The following FGF5 variants were observed in gnomAD, a reference collection of about 807,000 sequenced individuals.
The protein encoded by FGF5 is fibroblast growth factor 5.
Under a neutral mutation model 21.8 loss-of-function variants are expected in FGF5, and 23 were observed. The ratio of observed to expected loss-of-function variants is 1.05; its 90% CI spans 0.76 to 1.49. FGF5 has a LOEUF of 1.49. Among genes scored for constraint, FGF5 ranks in the 40% most tolerant of loss-of-function variants. FGF5 has a pLI of 0.00. For missense variants in FGF5, 352 were observed against 332.9 expected (o/e 1.06, Z -0.45); for synonymous variants, 158 against 124.0 (o/e 1.27, Z -1.82).
chr4:80,274,442 G>T (rs1273189114), intron 1 of FGF5, among the ~76,000 whole-genome samples: 1 of 151,878 alleles, frequency 6.6e-6, no homozygotes, highest in African/African-American at 2.4e-5. Context: ...TTAGAGTAGA[G>T]GAATTTATTT....
intron 1 of FGF5, among the ~76,000 whole-genome samples, chr4:80,273,783 G>A (rs777487867): frequency 1.7e-4 from 26 of 151,872 alleles, no homozygotes; most frequent in Non-Finnish European, 8.8e-5. Flanking sequence ...GGTATCAGGC[G>A]ATCCTTCAGC....
chr4:80,283,495 C>T (rs545078597), intron 2 of FGF5, among the ~76,000 whole-genome samples: 1 of 152,182 alleles, frequency 6.6e-6, no homozygotes, highest in African/African-American at 2.4e-5. Flanking sequence ...ATATAGATTC[C>T]TGTTTTAAAA....
intron 2 of FGF5, among the ~76,000 whole-genome samples, chr4:80,283,437 G>A (rs1720612211): frequency 6.6e-6 from 1 of 152,110 alleles, no homozygotes; most frequent in Non-Finnish European, 1.5e-5. Flanking sequence ...ATTGTAGGGG[G>A]TGGGGCAGGT....
intron 1 of FGF5, among the ~76,000 whole-genome samples, chr4:80,267,733 G>GATAGATAGATAGATAGATAGA (rs1553910468): frequency 6.6e-6 from 1 of 150,952 alleles, no homozygotes; most frequent in African/African-American, 2.4e-5. Flanking sequence ...ATACACATAG[G>GATAGATAGATAGATAGATAGA]TAGATAGATA....
At position 80,290,645 on chromosome 4, in the gene FGF5, G is replaced by T. The variant is rs183750240; in HGVS notation, c.*3973G>T. The T allele has an allele frequency of 5.3e-5, 8 of 152,080 alleles. No homozygotes were observed. Among genetic ancestry groups the T allele is most frequent in the Non-Finnish European group, 7.4e-5 (5 of 67,996 alleles). 9.4% of individuals were successfully genotyped at this position (152,080 alleles called of 1,614,324 possible). ...GCTGGTGTGCTGCACCCACCAACCTGTCATCCAGCATTAGGTATATCTCCT... is the reference window on the plus strand; with the variant it reads ...GCTGGTGTGCTGCACCCACCAACCTTTCATCCAGCATTAGGTATATCTCCT... On this transcript the variant is annotated 3_prime_UTR_variant, in exon 3 of 3. Coordinates refer to ENST00000312465, the MANE Select transcript of FGF5 (RefSeq NM_004464.4).
intron 1 of FGF5, 128 bp downstream of exon 1, chr4:80,267,307 C>A: frequency 1.4e-6 from 1 of 726,938 alleles, no homozygotes; most frequent in Non-Finnish European, 2.2e-6. Context: ...AGCTGATACT[C>A]AGAAACAGCC....
chr4:80,269,075 C>T (rs1355078935), intron 1 of FGF5, among the ~76,000 whole-genome samples: 1 of 152,172 alleles, frequency 6.6e-6, no homozygotes, highest in Admixed American at 6.5e-5. Context: ...CTTCTTGTAA[C>T]GACCCGTGGA....
rs537342087 is a variant in FGF5, at chr4:80,282,250, C to T, written c.460-4075C>T. 2.8e-4 allele frequency among the ~76,000 whole-genome samples: 42 copies of T among 152,276 alleles called. No individual in the cohort carries two copies. The Middle Eastern group carries it at 0.014, about 49-fold the overall frequency. ...GTGCTGTGATTACAGATGTGAGCCA[C>T]CGTACCCAGCAGAAAGTTCTTATTT... On this transcript the variant is annotated intron_variant, in intron 2 of 2. Coordinates refer to ENST00000312465, the MANE Select transcript of FGF5 (RefSeq NM_004464.4).
chr4:80,284,767 C>T (rs1047037923), intron 2 of FGF5, among the ~76,000 whole-genome samples: 1 of 152,052 alleles, frequency 6.6e-6, no homozygotes, highest in African/African-American at 2.4e-5. Flanking sequence ...TTGCAATATT[C>T]AGATTTTTAG....
At chr4:80,267,983 G>A (rs1474082182) in intron 1 of FGF5, among the ~76,000 whole-genome samples, 1 of 152,228 alleles carries the variant, frequency 6.6e-6, no homozygotes, top group East Asian at 1.9e-4. Flanking sequence ...AGAACAGTTA[G>A]GGGAAAGTTC....
chr4:80,269,528 C>G (rs182966106), intron 1 of FGF5, among the ~76,000 whole-genome samples: 1 of 152,146 alleles, frequency 6.6e-6, no homozygotes. Flanking sequence ...CAGTATGTAA[C>G]ATGTACATTT....
chr4:80,277,962 T>A (rs1456377546), intron 2 of FGF5, among the ~76,000 whole-genome samples: 1 of 152,196 alleles, frequency 6.6e-6, no homozygotes, highest in Non-Finnish European at 1.5e-5. Flanking sequence ...GCTCACATTA[T>A]CTCATTAGAT....
intron 2 of FGF5, among the ~76,000 whole-genome samples, chr4:80,278,661 C>A (rs180735868): frequency 6.6e-6 from 1 of 152,264 alleles, no homozygotes; most frequent in East Asian, 1.9e-4. Flanking sequence ...CATTTTTGTG[C>A]TAAATTTATT....
At chr4:80,281,817 G>A (rs17467134) in intron 2 of FGF5, among the ~76,000 whole-genome samples, 8,373 of 152,232 alleles carry the variant, frequency 0.055, 319 homozygotes, top group Non-Finnish European at 0.083. Flanking sequence ...TGGCTTGGCA[G>A]AATTAGTCAT....
In FGF5 at chr4:80,266,905, C is replaced by T; in HGVS notation, c.81C>T (p.Ala27=). The change falls in exon 1 of 3, where the codon GCC becomes GCT. Residue 27 remains alanine, a synonymous_variant. Coordinates refer to ENST00000312465, the MANE Select transcript of FGF5 (RefSeq NM_004464.4). The part of the protein sequence containing the change: ...SAWAHGEKRL[A]PKGQPGPAAT... Reference sequence around the variant, plus strand: ...GGGCTCACGGGGAGAAGCGTCTCGCCCCCAAAGGGCAACCCGGACCCGCTG... The same window carrying T: ...GGGCTCACGGGGAGAAGCGTCTCGCTCCCAAAGGGCAACCCGGACCCGCTG... 1.9e-6 allele frequency: 3 copies of T among 1,613,996 alleles called. No individual in the cohort carries two copies. The South Asian group carries it at 3.3e-5, about 18-fold the overall frequency.
At chr4:80,277,210 C>T (rs1001552265) in intron 2 of FGF5, among the ~76,000 whole-genome samples, 9 of 152,108 alleles carry the variant, frequency 5.9e-5, no homozygotes, top group African/African-American at 2.2e-4. Context: ...TATTCTTTCT[C>T]ATCTTGGCAG....
intron 2 of FGF5, 98 bp downstream of exon 2, chr4:80,275,110 C>A: frequency 1.9e-6 from 1 of 512,938 alleles, no homozygotes; most frequent in South Asian, 3.6e-5. Context: ...AAAATTTGCC[C>A]AAAGAACTTA....
At chr4:80,270,926 T>C (rs989113307) in intron 1 of FGF5, among the ~76,000 whole-genome samples, 3 of 152,222 alleles carry the variant, frequency 2.0e-5, no homozygotes, top group Admixed American at 6.5e-5. Flanking sequence ...AGAATCTATA[T>C]CTACTATGCA....
chr4:80,275,067 A>G (rs1247213362), intron 2 of FGF5, 55 bp downstream of exon 2: 9 of 733,202 alleles, frequency 1.2e-5, no homozygotes, highest in Non-Finnish European at 2.0e-5. Context: ...TTACATTTGT[A>G]AAACAGAATA....
Sources: gnomAD v4.1 joint callset for allele counts (sites outside exome capture counted in the v4.1 genomes callset) on GRCh38, gnomAD v4.1.1 for gene constraint, MANE v1.5 for transcripts, NCBI Gene and HGNC (gene_info 2026-07-23, HGNC 2026-07-21) for gene names.